C4orf51: variants seen among roughly 807,000 people sequenced by gnomAD.
The protein encoded by C4orf51 is uncharacterized protein C4orf51.
Under a neutral mutation model 25.2 loss-of-function variants are expected in C4orf51, and 25 were observed. That is an observed-to-expected ratio of 0.99 (90% CI 0.72 to 1.39). The LOEUF (loss-of-function observed/expected upper bound fraction) is 1.39, where lower values mean the gene tolerates loss of function less well. Among genes scored for constraint, C4orf51 ranks in the 40% most tolerant of loss-of-function variants. The pLI, the probability that C4orf51 is intolerant of heterozygous loss-of-function variation, is 0.00. For synonymous variants in C4orf51, 100 were observed against 84.5 expected, an observed-to-expected ratio of 1.18 and a Z score of -1.01; for missense variants, 252 against 239.6, an observed-to-expected ratio of 1.05 and a Z score of -0.34.
At chr4:145,776,561 C>T in the C4orf51 span, among the ~76,000 whole-genome samples, 1 of 151,690 alleles carries the variant, frequency 6.6e-6, no homozygotes. Flanking sequence ...TAAGGTAAGC[C>T]CCACACAGGG....
At chr4:145,781,053 G>A in the C4orf51 span, among the ~76,000 whole-genome samples, 4 of 151,862 alleles carry the variant, frequency 2.6e-5, no homozygotes, top group African/African-American at 4.8e-5. Flanking sequence ...AAATTTAGCC[G>A]GGCGTGGTGG....
intron 2 of C4orf51, among the ~76,000 whole-genome samples, chr4:145,721,734 C>T (rs1326750357): frequency 6.6e-6 from 1 of 152,188 alleles, no homozygotes; most frequent in East Asian, 1.9e-4. Flanking sequence ...GTGCACTTTA[C>T]TGTTCAAGCA....
At chr4:145,725,228 A>G (rs77368782) in intron 2 of C4orf51, among the ~76,000 whole-genome samples, 9 of 152,254 alleles carry the variant, frequency 5.9e-5, no homozygotes, top group African/African-American at 1.9e-4. Flanking sequence ...ATAGAAAAAA[A>G]CCATAATGAG....
intron 2 of C4orf51, among the ~76,000 whole-genome samples, chr4:145,718,359 C>T (rs934636185): frequency 2.6e-5 from 4 of 152,192 alleles, no homozygotes; most frequent in African/African-American, 4.8e-5. Context: ...TTAACAAGGA[C>T]GGCAGTGCCT....
the C4orf51 span, among the ~76,000 whole-genome samples, chr4:145,778,475 G>A: frequency 1.5e-3 from 232 of 152,172 alleles, no homozygotes; most frequent in African/African-American, 5.4e-3. Flanking sequence ...TGGGCATAGT[G>A]GCAGCGTGCA....
chr4:145,714,301 A>G (rs567247820), intron 2 of C4orf51, among the ~76,000 whole-genome samples: 17 of 152,362 alleles, frequency 1.1e-4, no homozygotes, highest in Non-Finnish European at 2.4e-4. Context: ...AGAGGTTACC[A>G]TAATGAAGCA....
chr4:145,765,852 G>T lies in C4orf51; in HGVS notation n.167-5136G>T. On this transcript the variant is annotated intron_variant and non_coding_transcript_variant, in intron 1 of 1. Transcript: ENST00000510096. The surrounding 1 kb of genome is among the most constrained non-coding windows in gnomAD (Gnocchi z 4.7). ...ATGCATCATCATTCTGGGGGCACAG[G>T]CTCATGTCCCCAGCTCCCCCACTGC... is the stretch of plus-strand genomic sequence containing the variant. The T allele has an allele frequency of 1.8e-6, 2 of 1,083,430 alleles. No individual in the cohort carries two copies. Among genetic ancestry groups the T allele is most frequent in the Non-Finnish European group, 2.6e-6 (2 of 770,244 alleles). 67.1% of individuals were successfully genotyped at this position (1,083,430 alleles called of 1,614,324 possible). A position where few individuals can be genotyped will look rare whatever the true frequency, so the allele number is the denominator to read the frequency against.
chr4:145,688,674 T>G (rs1729336614), intron 1 of C4orf51, among the ~76,000 whole-genome samples: 1 of 152,210 alleles, frequency 6.6e-6, no homozygotes, highest in African/African-American at 2.4e-5. Context: ...AAACCTCTTT[T>G]GTTTATAAAT....
chr4:145,685,790 AG>A (rs1241481091), intron 1 of C4orf51, among the ~76,000 whole-genome samples: 1 of 152,120 alleles, frequency 6.6e-6, no homozygotes, highest in African/African-American at 2.4e-5. Flanking sequence ...AGACAATATG[AG>A]GGGTGGTCTC....
chr4:145,697,782 A>G lies in C4orf51; in HGVS notation c.307+1150A>G, dbSNP rs78169682. Among the ~76,000 whole-genome samples the G allele has an allele frequency of 2.0e-4, 30 of 152,332 alleles. No individual in the cohort carries two copies. In the East Asian group the frequency reaches 5.8e-3, roughly 29 times the overall value. On this transcript the variant is annotated intron_variant, in intron 2 of 5. Transcript: ENST00000438731. ...ATTGATGGACACGTAAGTTGTTTCTAGATCTTGACTCTTGTGAATAATGCT... is the reference window on the plus strand; with the variant it reads ...ATTGATGGACACGTAAGTTGTTTCTGGATCTTGACTCTTGTGAATAATGCT...
chr4:145,779,639 C>A, the C4orf51 span: 1 of 1,278,174 alleles, frequency 7.8e-7, no homozygotes, highest in Non-Finnish European at 1.1e-6. Flanking sequence ...AATGAGTCTC[C>A]GTAACTGGTT....
chr4:145,783,489 C>A, the C4orf51 span, among the ~76,000 whole-genome samples: 2 of 152,210 alleles, frequency 1.3e-5, no homozygotes, highest in African/African-American at 2.4e-5. Context: ...GCTCTAAATT[C>A]TTACCTCTTC....
At chr4:145,721,174 G>A (rs980835294) in intron 2 of C4orf51, among the ~76,000 whole-genome samples, 5 of 151,402 alleles carry the variant, frequency 3.3e-5, no homozygotes, top group South Asian at 2.1e-4. Flanking sequence ...GTGAAACCCC[G>A]TCTCTACTAA....
chr4:145,692,584 G>A (rs1729656263), intron 1 of C4orf51, among the ~76,000 whole-genome samples: 1 of 152,166 alleles, frequency 6.6e-6, no homozygotes, highest in African/African-American at 2.4e-5. Context: ...ATGCAGGGTA[G>A]GCCACCAGCC....
intron 1 of C4orf51, among the ~76,000 whole-genome samples, chr4:145,770,297 TTAAAATAAA>T (rs1292159977): frequency 2.1e-5 from 3 of 141,188 alleles, no homozygotes; most frequent in African/African-American, 8.1e-5. Context: ...AGACCCTGTC[TTAAAATAAA>T]TAAATAAATA....
intron 1 of C4orf51, among the ~76,000 whole-genome samples, chr4:145,766,590 C>T (rs1028939283): frequency 2.6e-5 from 4 of 152,122 alleles, no homozygotes; most frequent in South Asian, 4.2e-4. Context: ...TTTTGCAGGA[C>T]GGAGTATCAG....
chr4:145,690,570 T>C (rs1729486662), intron 1 of C4orf51, among the ~76,000 whole-genome samples: 1 of 152,074 alleles, frequency 6.6e-6, no homozygotes, highest in African/African-American at 2.4e-5. Flanking sequence ...GACATTGCCA[T>C]AGGCGAAGAA....
chr4:145,686,148 TG>T (rs763754699), intron 1 of C4orf51, among the ~76,000 whole-genome samples: 8 of 152,102 alleles, frequency 5.3e-5, no homozygotes, highest in Non-Finnish European at 1.2e-4. Flanking sequence ...TTATGCTAAG[TG>T]AATAAAGTCA....
intron 1 of C4orf51, among the ~76,000 whole-genome samples, chr4:145,743,149 A>G (rs994359389): frequency 4.7e-4 from 71 of 152,210 alleles, no homozygotes; most frequent in African/African-American, 1.3e-3. Context: ...TGATGACTTC[A>G]GTTTAGGACA....
Sources: gnomAD v4.1 joint callset for allele counts (sites outside exome capture counted in the v4.1 genomes callset) on GRCh38, gnomAD v4.1.1 for gene constraint, Gnocchi (gnomAD v3.1) non-coding constraint, MANE v1.5 for transcripts, NCBI Gene and HGNC (gene_info 2026-07-23, HGNC 2026-07-21) for gene names.